PCDH15: variants seen among roughly 807,000 people sequenced by gnomAD.
PCDH15 encodes the protein protocadherin related 15.
In PCDH15, 129 loss-of-function variants were observed where a neutral mutation model predicts 178.5. The ratio of observed to expected loss-of-function variants is 0.72; its 90% CI spans 0.63 to 0.84. The LOEUF (loss-of-function observed/expected upper bound fraction) is 0.84, where lower values mean the gene tolerates loss of function less well. Ranked by LOEUF, PCDH15 falls within the 40% of genes least tolerant of loss-of-function variation. The pLI, the probability that PCDH15 is intolerant of heterozygous loss-of-function variation, is 0.00. For synonymous variants in PCDH15, 800 were observed against 732.0 expected (o/e 1.09, Z -1.50); for missense variants, 2,230 against 2,099.9 (o/e 1.06, Z -1.21).
At chr10:54,172,663 G>C (rs574539672) in intron 13 of PCDH15, among the ~76,000 whole-genome samples, 11 of 152,056 alleles carry the variant, frequency 7.2e-5, no homozygotes, top group Non-Finnish European at 1.3e-4. Context: ...GTTTCTTCTA[G>C]AGCAATATCA....
chr10:55,352,926 T>A (rs1477871368), intron 2 of PCDH15, among the ~76,000 whole-genome samples: 1 of 152,140 alleles, frequency 6.6e-6, no homozygotes, highest in Non-Finnish European at 1.5e-5. Flanking sequence ...TCTGAAAGTA[T>A]GCTCAGCAAA....
intron 2 of PCDH15, among the ~76,000 whole-genome samples, chr10:54,973,216 C>A (rs1244411244): frequency 6.6e-6 from 1 of 152,060 alleles, no homozygotes; most frequent in Non-Finnish European, 1.5e-5. Flanking sequence ...TACAAACACA[C>A]ATATTTAGAG....
chr10:55,068,880 G>A (rs1405525585), intron 2 of PCDH15, among the ~76,000 whole-genome samples: 2 of 151,406 alleles, frequency 1.3e-5, no homozygotes, highest in African/African-American at 4.9e-5. Flanking sequence ...AAATGGAATT[G>A]CCTTCTCTGC....
At chr10:55,485,195 C>CTAA (rs1840270706) in intron 2 of PCDH15, among the ~76,000 whole-genome samples, 1 of 151,566 alleles carries the variant, frequency 6.6e-6, no homozygotes, top group Admixed American at 6.6e-5. Context: ...CAAAAAAATC[C>CTAA]TAATAATCCT....
At chr10:55,235,359 A>G (rs1267846864) in intron 1 of PCDH15, among the ~76,000 whole-genome samples, 1 of 152,012 alleles carries the variant, frequency 6.6e-6, no homozygotes, top group East Asian at 1.9e-4. Flanking sequence ...TGATTCGTCA[A>G]CCCTAAAAAA....
chr10:55,193,029 T>TG (rs1839986527), intron 1 of PCDH15, among the ~76,000 whole-genome samples: 1 of 149,900 alleles, frequency 6.7e-6, no homozygotes, highest in African/African-American at 2.5e-5. Flanking sequence ...TTAAAAAAGA[T>TG]GAAGTAAATT....
intron 1 of PCDH15, among the ~76,000 whole-genome samples, chr10:54,741,395 A>G (rs1164567652): frequency 2.0e-5 from 3 of 151,970 alleles, no homozygotes; most frequent in Non-Finnish European, 4.4e-5. Context: ...TTTCATTTAC[A>G]GATGAGGTCA....
At chr10:55,624,084 C>T (rs552334555) in intron 2 of PCDH15, among the ~76,000 whole-genome samples, 111 of 150,990 alleles carry the variant, frequency 7.4e-4, no homozygotes, top group Non-Finnish European at 1.4e-3. Flanking sequence ...ACAAAGAAGC[C>T]CTTGAACTGT....
At chr10:55,038,234 G>A (rs938264044) in intron 2 of PCDH15, among the ~76,000 whole-genome samples, 2 of 152,112 alleles carry the variant, frequency 1.3e-5, no homozygotes, top group Non-Finnish European at 2.9e-5. Context: ...TGTGAGTATA[G>A]TCTTCTTTGG....
chr10:54,786,233 C>A (rs1950863179), intron 1 of PCDH15, among the ~76,000 whole-genome samples: 1 of 151,926 alleles, frequency 6.6e-6, no homozygotes, highest in African/African-American at 2.4e-5. Context: ...AGGATAATAT[C>A]ATCTGAGGAG....
At chr10:55,187,716 T>G (rs2132141933) in intron 1 of PCDH15, among the ~76,000 whole-genome samples, 1 of 152,064 alleles carries the variant, frequency 6.6e-6, no homozygotes, top group East Asian at 1.9e-4. Flanking sequence ...TTTTAGATTT[T>G]TAAATGTTCA....
At position 55,157,914 on chromosome 10, in the gene PCDH15, A is replaced by G. The variant is rs570828494; in HGVS notation, c.-80+8662T>C. Among the ~76,000 whole-genome samples the G allele has an allele frequency of 2.6e-5, 4 of 150,992 alleles. No individual in the cohort carries two copies. The South Asian group carries it at 8.5e-4, about 32-fold the overall frequency. ...CCACATGTATACATATGTAACAAAC[A>G]TGCATGTTGTGCACATGTACCCTAG... On this transcript the variant is annotated intron_variant, in intron 2 of 5. Coordinates refer to the PCDH15 transcript ENST00000458638.
intron 15 of PCDH15, among the ~76,000 whole-genome samples, chr10:54,109,418 A>G (rs1163697904): frequency 6.6e-6 from 1 of 152,198 alleles, no homozygotes; most frequent in African/African-American, 2.4e-5. Context: ...TATATAAAAG[A>G]AAATCAAAGG....
At chr10:55,041,497 T>A (rs138947592) in intron 2 of PCDH15, among the ~76,000 whole-genome samples, 3 of 152,168 alleles carry the variant, frequency 2.0e-5, no homozygotes, top group Admixed American at 6.6e-5. Context: ...AAAATAGAAA[T>A]CTCCTGATAT....
intron 1 of PCDH15, among the ~76,000 whole-genome samples, chr10:54,666,392 A>G (rs914876352): frequency 1.3e-5 from 2 of 152,074 alleles, no homozygotes; most frequent in African/African-American, 4.8e-5. Flanking sequence ...ACTTCTGCTC[A>G]TTCCATTAGA....
chr10:54,255,229 T>C (rs2056807817), intron 8 of PCDH15, among the ~76,000 whole-genome samples: 1 of 152,190 alleles, frequency 6.6e-6, no homozygotes, highest in Admixed American at 6.5e-5. Context: ...TCGATTTCCT[T>C]CTTTTACTTG....
intron 7 of PCDH15, among the ~76,000 whole-genome samples, chr10:54,318,520 T>C (rs7915662): frequency 0.45 from 68,836 of 152,064 alleles, 16,284 homozygotes; most frequent in Middle Eastern, 0.6. Context: ...CTAACTAAAA[T>C]CCAAAGTTTC....
chr10:54,338,293 T>C (rs1941576882), intron 6 of PCDH15, among the ~76,000 whole-genome samples: 1 of 151,050 alleles, frequency 6.6e-6, no homozygotes, highest in African/African-American at 2.5e-5. Flanking sequence ...TCTCATGATA[T>C]AATGTACCCT....
chr10:54,269,408 G>C (rs2057906401), intron 8 of PCDH15, among the ~76,000 whole-genome samples: 1 of 151,890 alleles, frequency 6.6e-6, no homozygotes, highest in African/African-American at 2.4e-5. Flanking sequence ...TTCTAGCAAT[G>C]ATCTGCAAGG....
Sources: allele counts gnomAD v4.1 joint callset (sites outside exome capture counted in the v4.1 genomes callset), GRCh38; gene constraint gnomAD v4.1.1; transcripts MANE v1.5; gene names NCBI Gene and HGNC (gene_info 2026-07-23, HGNC 2026-07-21).